The following RAB33A variants were observed in gnomAD, a reference collection of about 807,000 sequenced individuals.
RAB33A encodes ras-related protein Rab-33A.
In RAB33A, 6 loss-of-function variants were observed where a neutral mutation model predicts 12.0. The ratio of observed to expected loss-of-function variants is 0.50; its 90% CI spans 0.27 to 0.99. RAB33A has a LOEUF of 0.99. Ranked by LOEUF, RAB33A falls within the 50% of genes least tolerant of loss-of-function variation. The pLI, the probability that RAB33A is intolerant of heterozygous loss-of-function variation, is 0.11. For synonymous variants in RAB33A, 70 were observed against 82.4 expected (o/e 0.85, Z 0.81); for missense variants, 109 against 192.0 (o/e 0.57, Z 2.55).
chrX:130,143,492 C>T, the RAB33A span, among the ~76,000 whole-genome samples: 1 of 111,089 alleles, frequency 9.0e-6, no homozygotes, highest in African/African-American at 3.3e-5. Flanking sequence ...ACCACCAAGC[C>T]TCATCAAGCA....
At chrX:130,163,183 G>GC in the RAB33A span, among the ~76,000 whole-genome samples, 240 of 109,854 alleles carry the variant, frequency 2.2e-3, no homozygotes, top group African/African-American at 7.3e-3. Context: ...GGTGGTGCAT[G>GC]CCTGTAGTCC....
At chrX:130,177,012 G>A (rs1187266998) in intron 1 of RAB33A, among the ~76,000 whole-genome samples, 1 of 112,443 alleles carries the variant, frequency 8.9e-6, no homozygotes, top group African/African-American at 3.2e-5. Context: ...GCAGGGGGTT[G>A]GGGGCTTGCT....
the RAB33A span, among the ~76,000 whole-genome samples, chrX:130,127,691 CTT>C: frequency 1.2e-4 from 9 of 77,006 alleles, no homozygotes; most frequent in African/African-American, 1.2e-4. Context: ...ATGAGTTTTC[CTT>C]TTTTTTTTTT....
At chrX:130,120,227 GT>G in the RAB33A span, among the ~76,000 whole-genome samples, 1 of 109,612 alleles carries the variant, frequency 9.1e-6, no homozygotes, top group East Asian at 2.8e-4. Context: ...TTGTTTTTTT[GT>G]TTTTTGTTTT....
At chrX:130,128,564 C>T in the RAB33A span, among the ~76,000 whole-genome samples, 2 of 112,120 alleles carry the variant, frequency 1.8e-5, no homozygotes, top group East Asian at 5.5e-4. Flanking sequence ...AAGAGCAAAA[C>T]TCCATCTCAA....
chrX:130,133,346 G>A, the RAB33A span: 1 of 1,211,387 alleles, frequency 8.3e-7, no homozygotes, highest in East Asian at 3.0e-5. Context: ...CGGCTTAGCA[G>A]CTCCAGTCAT....
chrX:130,178,903 C>T (rs1055490266), intron 1 of RAB33A, among the ~76,000 whole-genome samples: 83 of 108,056 alleles, frequency 7.7e-4, no homozygotes, highest in Non-Finnish European at 1.3e-3. Context: ...CCACCTGCCT[C>T]GGCCTCCCAA....
chrX:130,112,830 C>T, the RAB33A span, among the ~76,000 whole-genome samples: 77 of 110,705 alleles, frequency 7.0e-4, no homozygotes, highest in Admixed American at 1.2e-3. Context: ...CGTGCCACTG[C>T]ACTCCAGCCT....
At position 130,184,372 on chromosome X, in the gene RAB33A, G is replaced by A; in HGVS notation, c.346G>A (p.Val116Ile). The change falls in exon 2 of 2, where the codon GTC (valine) becomes ATC (isoleucine). Residue 116 changes from valine (V) to isoleucine (I), a missense_variant. Physicochemically the swap from Val to Ile is conservative, Grantham distance 29. Transcript: ENST00000257017. ...CCGCAACGTACATGCCGTGGTCTTC[G>A]TCTATGACGTCACCAAGATGACATC... ...YYRNVHAVVF[V>I]YDVTKMTSFT... 1 of 1,211,550 alleles carries A rather than the reference G, an allele frequency of 8.3e-7. No homozygotes were observed. Among genetic ancestry groups the A allele is most frequent in the Non-Finnish European group, 1.1e-6 (1 of 895,305 alleles).
the RAB33A span, among the ~76,000 whole-genome samples, chrX:130,119,079 C>T: frequency 2.7e-5 from 3 of 111,224 alleles, no homozygotes; most frequent in Admixed American, 9.6e-5. Context: ...TGGCCAGGGA[C>T]GGGAGAGGGG....
At chrX:130,139,805 A>G in the RAB33A span, 1 of 1,210,290 alleles carries the variant, frequency 8.3e-7, no homozygotes, top group Non-Finnish European at 1.1e-6. Context: ...CTTTCTGAAA[A>G]GCGTTGTTCT....
upstream of RAB33A, among the ~76,000 whole-genome samples, chrX:130,169,995 G>A (rs1483732881): frequency 8.9e-6 from 1 of 112,002 alleles, no homozygotes; most frequent in Non-Finnish European, 1.9e-5. Flanking sequence ...CAAAAATACT[G>A]TACAATGATG....
At chrX:130,111,637 C>T in the RAB33A span, among the ~76,000 whole-genome samples, 1 of 111,458 alleles carries the variant, frequency 9.0e-6, no homozygotes, top group Non-Finnish European at 1.9e-5. Context: ...AGATATGAGT[C>T]AGGGGAAGGG....
chrX:130,142,356 T>C, the RAB33A span, among the ~76,000 whole-genome samples: 4 of 111,221 alleles, frequency 3.6e-5, no homozygotes, highest in South Asian at 1.6e-3. Context: ...TTCAATCCAA[T>C]CCCGCTACTC....
At chrX:130,126,539 C>A in the RAB33A span, among the ~76,000 whole-genome samples, 1 of 110,681 alleles carries the variant, frequency 9.0e-6, no homozygotes, top group East Asian at 2.8e-4. Context: ...ACCCCAGGAT[C>A]CTCAGGGGCT....
intron 1 of RAB33A, among the ~76,000 whole-genome samples, chrX:130,178,005 A>G (rs1269499591): frequency 8.9e-6 from 1 of 112,225 alleles, no homozygotes; most frequent in African/African-American, 3.2e-5. Context: ...ATGCTGAGAA[A>G]GGAACACCTA....
intron 1 of RAB33A, among the ~76,000 whole-genome samples, chrX:130,182,754 C>CAA (rs201394208): frequency 9.6e-6 from 1 of 103,730 alleles, no homozygotes; most frequent in African/African-American, 3.5e-5. Context: ...AATTCTGTCT[C>CAA]AAAAAAAAAA....
chrX:130,180,539 C>T (rs1438752906), intron 1 of RAB33A, among the ~76,000 whole-genome samples: 1 of 111,198 alleles, frequency 9.0e-6, no homozygotes, highest in African/African-American at 3.3e-5. Flanking sequence ...ACTGCAAGCT[C>T]CGTCTTCCGG....
the RAB33A span, among the ~76,000 whole-genome samples, chrX:130,164,492 G>A: frequency 8.9e-6 from 1 of 112,273 alleles, no homozygotes; most frequent in Non-Finnish European, 1.9e-5. Context: ...AAAGCCTCAA[G>A]GATAACTTCT....
Sources: allele counts gnomAD v4.1 joint callset (sites outside exome capture counted in the v4.1 genomes callset), GRCh38; gene constraint gnomAD v4.1.1; transcripts MANE v1.5; gene names NCBI Gene and HGNC (gene_info 2026-07-23, HGNC 2026-07-21).